Variants in GATAD2A observed in about 807,000 individuals in gnomAD.
GATAD2A encodes the protein GATA zinc finger domain containing 2A, also known as transcriptional repressor p66-alpha.
GATAD2A carries 12 observed loss-of-function variants against 68.5 expected under a neutral mutation model. The ratio of observed to expected loss-of-function variants is 0.18; its 90% CI spans 0.11 to 0.28. GATAD2A has a LOEUF of 0.28. Among genes scored for constraint, GATAD2A ranks in the 10% least tolerant of loss-of-function variants. GATAD2A has a pLI of 1.00. For missense variants in GATAD2A, 755 were observed against 868.5 expected (o/e 0.87, Z 1.64); for synonymous variants, 410 against 375.3 (o/e 1.09, Z -1.07).
At chr19:19,401,149 A>AC (rs1365737925), upstream of GATAD2A, among the ~76,000 whole-genome samples, 5 of 151,006 alleles carry the variant, frequency 3.3e-5, no homozygotes, top group African/African-American at 9.7e-5. Context: ...CAAAAAAAAA[A>AC]AAAAAAAAAA....
chr19:19,458,196 G>A (rs1034493163), intron 1 of GATAD2A, among the ~76,000 whole-genome samples: 2 of 152,230 alleles, frequency 1.3e-5, no homozygotes, highest in Admixed American at 6.5e-5. Context: ...GAGAAAGCCT[G>A]TAGTTCAGGA....
At chr19:19,449,173 C>A (rs1283255583) in intron 1 of GATAD2A, among the ~76,000 whole-genome samples, 9 of 152,172 alleles carry the variant, frequency 5.9e-5, no homozygotes, top group Admixed American at 5.9e-4. Context: ...TGGCCCTGCA[C>A]AATAGCGTGG....
At position 19,494,426 on chromosome 19, in the gene GATAD2A, T is replaced by G. The variant is rs1192218116; in HGVS notation, c.624+43T>G. ...GTCTCACTGGGTGCCCTGCTGGCAC[T>G]GCTGCTGTCAAGCACAGGCTCCTCG... On this transcript the variant is annotated intron_variant, in intron 5 of 11. Coordinates refer to ENST00000683918, the MANE Select transcript of GATAD2A (RefSeq NM_001384528.1). 2.4e-6 allele frequency: 3 copies of G among 1,250,012 alleles called. No homozygotes were observed. The African/African-American group carries it at 4.4e-5, about 18-fold the overall frequency. The allele number at this position is 1,250,012 out of a possible 1,614,324, so 77.4% of individuals were successfully genotyped here. A position where few individuals can be genotyped will look rare whatever the true frequency, so the allele number is the denominator to read the frequency against.
At chr19:19,494,891 C>T (rs993001000) in intron 5 of GATAD2A, among the ~76,000 whole-genome samples, 1 of 152,148 alleles carries the variant, frequency 6.6e-6, no homozygotes, top group Non-Finnish European at 1.5e-5. Flanking sequence ...TGGTGGGACT[C>T]ACTCAGGAGT....
intron 1 of GATAD2A, among the ~76,000 whole-genome samples, chr19:19,456,938 T>A (rs2056989263): frequency 6.6e-6 from 1 of 152,212 alleles, no homozygotes; most frequent in Non-Finnish European, 1.5e-5. Flanking sequence ...GTGGGGTAGA[T>A]GCTCAATCAG....
chr19:19,492,590 C>T lies in GATAD2A; in HGVS notation c.412C>T (p.Pro138Ser), dbSNP rs1408052964. 1.2e-6 allele frequency: 2 copies of T among 1,614,200 alleles called. No individual in the cohort carries two copies. Among genetic ancestry groups the T allele is most frequent in the Non-Finnish European group, 1.7e-6 (2 of 1,180,034 alleles). The change falls in exon 4 of 12, where the codon CCT (proline) becomes TCT (serine). Residue 138 changes from proline (P) to serine (S), a missense_variant. By Grantham distance (74) the Pro-to-Ser change is moderately conservative. Coordinates refer to ENST00000683918, the MANE Select transcript of GATAD2A (RefSeq NM_001384528.1). ...TSTEALMKSSPEERERMIKQL... is the reference protein window; with the variant it reads ...TSTEALMKSSSEERERMIKQL... ...CCTCTCGCCCCTGCAGAAAAGCAGTCCTGAAGAACGAGAAAGGATGATCAA... is the reference window on the plus strand; with the variant it reads ...CCTCTCGCCCCTGCAGAAAAGCAGTTCTGAAGAACGAGAAAGGATGATCAA...
At chr19:19,403,201 C>T (rs1285725090), upstream of GATAD2A, among the ~76,000 whole-genome samples, 1 of 152,148 alleles carries the variant, frequency 6.6e-6, no homozygotes, top group African/African-American at 2.4e-5. Context: ...GTGATTGCAT[C>T]ATATTTCATA....
At chr19:19,442,749 A>ACTAGCC in intron 1 of GATAD2A, among the ~76,000 whole-genome samples, 2 of 150,446 alleles carry the variant, frequency 1.3e-5, no homozygotes, top group Admixed American at 6.6e-5. Context: ...AGCCTGAGCA[A>ACTAGCC]TGTAGCAGGA....
At chr19:19,488,544 C>T (rs898786310) in intron 2 of GATAD2A, among the ~76,000 whole-genome samples, 2 of 152,234 alleles carry the variant, frequency 1.3e-5, no homozygotes, top group African/African-American at 4.8e-5. Context: ...TGCTGAGCAG[C>T]TGAAAGCCAT....
chr19:19,405,516 C>T (rs1341798950), upstream of GATAD2A, among the ~76,000 whole-genome samples: 3 of 152,086 alleles, frequency 2.0e-5, no homozygotes, highest in South Asian at 2.1e-4. Flanking sequence ...GAAACCAGCG[C>T]GCCCAACGAG....
intron 1 of GATAD2A, among the ~76,000 whole-genome samples, chr19:19,395,704 C>T (rs138409306): frequency 3.0e-4 from 45 of 152,190 alleles, no homozygotes; most frequent in Admixed American, 1.2e-3. Flanking sequence ...TTAAAGAATC[C>T]GACAGTAGAT....
At chr19:19,462,662 C>G (rs1019776237) in intron 1 of GATAD2A, among the ~76,000 whole-genome samples, 2 of 152,224 alleles carry the variant, frequency 1.3e-5, no homozygotes, top group African/African-American at 4.8e-5. Flanking sequence ...CAAGAGAGGT[C>G]TCTGGGGCTG....
chr19:19,475,181 A>T (rs1188636832), intron 2 of GATAD2A, among the ~76,000 whole-genome samples: 3 of 152,200 alleles, frequency 2.0e-5, no homozygotes, highest in Non-Finnish European at 1.5e-5. Context: ...GGCTGTCTAC[A>T]GGAATGCACG....
chr19:19,454,319 A>G (rs541044158), intron 1 of GATAD2A, among the ~76,000 whole-genome samples: 2 of 147,676 alleles, frequency 1.4e-5, no homozygotes, highest in South Asian at 2.4e-4. Context: ...TCAGAAGGCC[A>G]GGTGCAGTGG....
At chr19:19,443,644 C>T (rs887141001) in intron 1 of GATAD2A, among the ~76,000 whole-genome samples, 3 of 152,038 alleles carry the variant, frequency 2.0e-5, no homozygotes, top group Admixed American at 6.6e-5. Context: ...CCCCGATGGC[C>T]GTGGACCTGG....
At chr19:19,395,624 G>T (rs1214965877) in intron 1 of GATAD2A, among the ~76,000 whole-genome samples, 1 of 152,166 alleles carries the variant, frequency 6.6e-6, no homozygotes, top group Non-Finnish European at 1.5e-5. Context: ...ATGGTTTCTT[G>T]TTATATTATC....
chr19:19,388,684 A>G (rs1568686516), intron 1 of GATAD2A, among the ~76,000 whole-genome samples: 1 of 152,030 alleles, frequency 6.6e-6, no homozygotes, highest in Non-Finnish European at 1.5e-5. Context: ...GAAACATTGT[A>G]TCCCCATTAT....
intron 1 of GATAD2A, among the ~76,000 whole-genome samples, chr19:19,424,562 G>A (rs1007605209): frequency 2.6e-5 from 4 of 151,552 alleles, no homozygotes; most frequent in African/African-American, 9.7e-5. Context: ...TGTAGAGATG[G>A]GGGTCTCTCT....
At chr19:19,416,128 G>A (rs1457671240) in intron 1 of GATAD2A, among the ~76,000 whole-genome samples, 1 of 152,042 alleles carries the variant, frequency 6.6e-6, no homozygotes, top group African/African-American at 2.4e-5. Flanking sequence ...AGATGTAATT[G>A]CACTTAATTT....
Sources: allele counts gnomAD v4.1 joint callset (sites outside exome capture counted in the v4.1 genomes callset), GRCh38; gene constraint gnomAD v4.1.1; transcripts MANE v1.5; gene names NCBI Gene and HGNC (gene_info 2026-07-23, HGNC 2026-07-21).